The following MARK1 variants were observed in gnomAD, a reference collection of about 807,000 sequenced individuals.
The protein encoded by MARK1 is serine/threonine-protein kinase MARK1.
In MARK1, 40 loss-of-function variants were observed where a neutral mutation model predicts 96.3. That is an observed-to-expected ratio of 0.42 (90% CI 0.32 to 0.54). MARK1 has a LOEUF of 0.54. Ranked by LOEUF, MARK1 falls within the 20% of genes least tolerant of loss-of-function variation. The pLI is 0.16. For missense variants in MARK1, 719 were observed against 984.6 expected, an observed-to-expected ratio of 0.73 and a Z score of 3.61; for synonymous variants, 317 against 341.2, an observed-to-expected ratio of 0.93 and a Z score of 0.78.
intron 13 of MARK1, among the ~76,000 whole-genome samples, chr1:220,642,811 T>C (rs180754626): frequency 3.9e-5 from 6 of 152,088 alleles, no homozygotes; most frequent in South Asian, 4.1e-4. Context: ...CCACTGGTGA[T>C]ACCCAGGCAA....
At chr1:220,585,984 TACACAC>T (rs1553322886) in intron 3 of MARK1, among the ~76,000 whole-genome samples, 209 of 52,890 alleles carry the variant, frequency 4.0e-3, no homozygotes, top group African/African-American at 8.7e-3. Flanking sequence ...TACATACGTA[TACACAC>T]ACACACACAC....
intron 1 of MARK1, among the ~76,000 whole-genome samples, chr1:220,567,726 A>G (rs1663155355): frequency 1.3e-5 from 2 of 152,272 alleles, no homozygotes; most frequent in East Asian, 1.9e-4. Context: ...GTATAGTTCT[A>G]ATTTAAAAAT....
chr1:220,534,396 A>G (rs1253372303), intron 1 of MARK1, among the ~76,000 whole-genome samples: 1 of 152,066 alleles, frequency 6.6e-6, no homozygotes, highest in African/African-American at 2.4e-5. Flanking sequence ...TTTTCCTTCT[A>G]AGTGTATGTT....
At chr1:220,607,769 G>C (rs1215571959) in intron 6 of MARK1, among the ~76,000 whole-genome samples, 2 of 152,108 alleles carry the variant, frequency 1.3e-5, no homozygotes, top group African/African-American at 2.4e-5. Flanking sequence ...TAGCATGAAG[G>C]GCTGTTGAAT....
chr1:220,632,294 T>C lies in MARK1; in HGVS notation c.1103T>C (p.Leu368Pro). ...YDEVMATYIL[L>P]GRKPPEFEGG... ...GAAGTTATGGCTACTTATATTCTTCTAGGTAGAAAACCACCTGAAGTAAGT... is the reference window on the plus strand; with the variant it reads ...GAAGTTATGGCTACTTATATTCTTCCAGGTAGAAAACCACCTGAAGTAAGT... The change falls in exon 11 of 18, where the codon CTA (leucine) becomes CCA (proline). Residue 368 changes from leucine to proline, a missense_variant. This residue lies in a region of MARK1 where 501 missense variants were observed against 588.3 expected (regional missense o/e 0.85). Coordinates refer to ENST00000366917, the MANE Select transcript of MARK1 (RefSeq NM_018650.5). 6.5e-7 allele frequency: 1 copy of C among 1,531,896 alleles called. No individual in the cohort carries two copies. Among genetic ancestry groups the C allele is most frequent in the Non-Finnish European group, 8.8e-7 (1 of 1,138,202 alleles). The allele number at this position is 1,531,896 out of a possible 1,614,324, so 94.9% of individuals were successfully genotyped here.
intron 13 of MARK1, among the ~76,000 whole-genome samples, chr1:220,640,015 A>AG (rs1668182136): frequency 6.6e-6 from 1 of 152,210 alleles, no homozygotes; most frequent in East Asian, 1.9e-4. Context: ...ATGACTCTTT[A>AG]CAGAAAAAGT....
At chr1:220,627,156 C>T (rs983514641) in intron 9 of MARK1, 28 of 491,860 alleles carry the variant, frequency 5.7e-5, no homozygotes, top group Middle Eastern at 6.8e-4. Flanking sequence ...CAGGTGATTC[C>T]AGAGGATCTG....
intron 1 of MARK1, among the ~76,000 whole-genome samples, chr1:220,578,224 G>C (rs954613003): frequency 6.6e-6 from 1 of 152,190 alleles, no homozygotes; most frequent in Non-Finnish European, 1.5e-5. Flanking sequence ...TTTATTATGT[G>C]TGATTCAACA....
intron 16 of MARK1, among the ~76,000 whole-genome samples, chr1:220,655,964 G>A (rs1669148581): frequency 6.6e-6 from 1 of 152,134 alleles, no homozygotes; most frequent in South Asian, 2.1e-4. Flanking sequence ...TTGGCATTGT[G>A]TACCTGCTAT....
chr1:220,529,709 C>G (rs1660179458), intron 1 of MARK1, among the ~76,000 whole-genome samples: 1 of 152,128 alleles, frequency 6.6e-6, no homozygotes, highest in South Asian at 2.1e-4. Flanking sequence ...GCAGATGTGC[C>G]GGGCTTTTAA....
At chr1:220,659,928 C>T (rs1669382656) in intron 17 of MARK1, among the ~76,000 whole-genome samples, 1 of 152,154 alleles carries the variant, frequency 6.6e-6, no homozygotes, top group South Asian at 2.1e-4. Flanking sequence ...GCTGGGATTA[C>T]AGGCGCTTGC....
chr1:220,561,212 G>A (rs1240372653), intron 1 of MARK1, among the ~76,000 whole-genome samples: 1 of 152,152 alleles, frequency 6.6e-6, no homozygotes, highest in East Asian at 1.9e-4. Context: ...GAATATTCCA[G>A]GAAAGGTATT....
intron 1 of MARK1, among the ~76,000 whole-genome samples, chr1:220,532,813 A>G (rs892772127): frequency 6.6e-6 from 1 of 151,986 alleles, no homozygotes; most frequent in Non-Finnish European, 1.5e-5. Flanking sequence ...CGAGACCAGC[A>G]TGGGCAACAT....
rs757566275 is a variant in MARK1 at position 220,598,314 on chromosome 1, C to A, written c.310-17C>A. The A allele has an allele frequency of 1.6e-6, 1 of 614,538 alleles. No individual in the cohort carries two copies. The highest frequency in any genetic ancestry group is 2.8e-6 in the Non-Finnish European group (1 of 351,212). The allele number at this position is 614,538 out of a possible 1,614,324, so 38.1% of individuals were successfully genotyped here. A position where few individuals can be genotyped will look rare whatever the true frequency, so the allele number is the denominator to read the frequency against. On this transcript the variant is annotated splice_polypyrimidine_tract_variant and intron_variant, in intron 3 of 17. Transcript: ENST00000366917. ...TTTTTTTTTAACAGAAATATATCTA[C>A]CTGTTTTCTTTAACAGTTATTTCGA...
intron 7 of MARK1, among the ~76,000 whole-genome samples, chr1:220,617,365 G>A (rs570004002): frequency 5.9e-5 from 9 of 152,226 alleles, no homozygotes; most frequent in African/African-American, 2.2e-4. Flanking sequence ...GATAGATGAT[G>A]GGCAGAGTGC....
intron 1 of MARK1, among the ~76,000 whole-genome samples, chr1:220,571,056 G>A (rs1663418540): frequency 1.3e-5 from 2 of 152,072 alleles, no homozygotes; most frequent in Non-Finnish European, 2.9e-5. Flanking sequence ...AATAAGCTCC[G>A]ATATATCAAA....
chr1:220,638,128 T>TC (rs1202845259), intron 13 of MARK1, among the ~76,000 whole-genome samples: 2 of 151,994 alleles, frequency 1.3e-5, no homozygotes, highest in African/African-American at 4.8e-5. Context: ...TTTTTTTTTT[T>TC]TTTTTTGCTA....
In MARK1 at chr1:220,635,372, A is replaced by G. The variant is rs774503639; in HGVS notation, c.1123-4A>G. On this transcript the variant is annotated splice_region_variant and splice_polypyrimidine_tract_variant and intron_variant, in intron 11 of 17. Transcript: ENST00000366917. ...TAAAATCCCTGTGGTTTTTCTTCTT[A>G]TAGTTTGAAGGTGGTGAATCGTTAT... is the stretch of plus-strand genomic sequence containing the variant. The G allele has an allele frequency of 7.8e-7, 1 of 1,280,806 alleles. No individual in the cohort carries two copies. Among genetic ancestry groups the G allele is most frequent in the Admixed American group, 3.3e-5 (1 of 30,686 alleles). The allele number at this position is 1,280,806 out of a possible 1,614,324, so 79.3% of individuals were successfully genotyped here.
At chr1:220,573,618 C>T (rs905478892) in intron 1 of MARK1, among the ~76,000 whole-genome samples, 4 of 152,070 alleles carry the variant, frequency 2.6e-5, no homozygotes, top group Admixed American at 1.3e-4. Context: ...CCACTGTGCC[C>T]GGCCGAGGCT....
Sources: gnomAD v4.1 joint callset for allele counts (sites outside exome capture counted in the v4.1 genomes callset) on GRCh38, gnomAD v4.1.1 for gene constraint, gnomAD v4.1.1 regional missense constraint, MANE v1.5 for transcripts, NCBI Gene and HGNC (gene_info 2026-07-23, HGNC 2026-07-21) for gene names.